The following NEK2 variants were observed in gnomAD, a reference collection of about 807,000 sequenced individuals.
NEK2 encodes the protein serine/threonine-protein kinase Nek2.
Under a neutral mutation model 54.1 loss-of-function variants are expected in NEK2, and 28 were observed. The observed-to-expected ratio is 0.52, with a 90% CI of 0.38 to 0.71. The LOEUF is 0.71. NEK2 is among the 30% of genes least tolerant of loss of function. The pLI is 0.00. For missense variants in NEK2, 407 were observed against 531.5 expected, an observed-to-expected ratio of 0.77 and a Z score of 2.30; for synonymous variants, 176 against 193.1, an observed-to-expected ratio of 0.91 and a Z score of 0.73.
chr1:211,662,086 CAAGTT>C (rs1468565979), downstream of NEK2, among the ~76,000 whole-genome samples: 2 of 152,166 alleles, frequency 1.3e-5, no homozygotes, highest in Non-Finnish European at 2.9e-5. The surrounding 1 kb of genome is among the most constrained non-coding windows in gnomAD (Gnocchi z 4.2). Context: ...TTAATCCAGT[CAAGTT>C]GACACATAAA....
chr1:211,661,925 C>A (rs12039766), downstream of NEK2, among the ~76,000 whole-genome samples: 23,365 of 152,108 alleles, frequency 0.15, 1,912 homozygotes, highest in East Asian at 0.22. Flanking sequence ...GTACTTTTCA[C>A]CTGAAAAGTC....
chr1:211,672,707 A>T (rs975627961), intron 3 of NEK2, among the ~76,000 whole-genome samples: 1 of 152,060 alleles, frequency 6.6e-6, no homozygotes, highest in East Asian at 1.9e-4. Flanking sequence ...AGAACTCTGC[A>T]TTTTAAACAA....
At chr1:211,660,706 C>T, downstream of NEK2, 1 of 673,384 alleles carries the variant, frequency 1.5e-6, no homozygotes, top group South Asian at 1.4e-5. Context: ...CGAAGATCCA[C>T]ATTGCCCTGG....
At chr1:211,669,385 C>T in intron 5 of NEK2, 53 bp from the exon 6 acceptor site, 2 of 1,467,164 alleles carry the variant, frequency 1.4e-6, no homozygotes, top group South Asian at 1.2e-5. Context: ...GAATAGTCCT[C>T]CTAAGACAGC....
chr1:211,668,992 T>G, intron 6 of NEK2, 121 bp downstream of exon 6: 1 of 991,076 alleles, frequency 1.0e-6, no homozygotes, highest in South Asian at 1.6e-5. Flanking sequence ...TTCTCAAGTA[T>G]TTTTCAAAAG....
intron 2 of NEK2, 137 bp from the exon 3 acceptor site, chr1:211,673,860 T>C: frequency 1.1e-6 from 1 of 946,560 alleles, no homozygotes; most frequent in East Asian, 2.8e-5. Flanking sequence ...GGTCTTACTC[T>C]GTCACCCAGG....
intron 7 of NEK2, chr1:211,666,783 A>G: frequency 3.3e-6 from 2 of 614,710 alleles, no homozygotes; most frequent in Non-Finnish European, 4.1e-6. Context: ...TGGGCTACAG[A>G]GTGAGACTCC....
chr1:211,665,888 C>T (rs1289184802), intron 7 of NEK2, among the ~76,000 whole-genome samples: 1 of 152,160 alleles, frequency 6.6e-6, no homozygotes, highest in Non-Finnish European at 1.5e-5. Context: ...ATTGATCACA[C>T]TACATCTCAA....
At chr1:211,666,824 A>G (rs1655196167) in intron 7 of NEK2, 2 of 945,272 alleles carry the variant, frequency 2.1e-6, no homozygotes, top group East Asian at 5.3e-5. Context: ...ATAAATAATG[A>G]TAATAAAAAT....
intron 5 of NEK2, among the ~76,000 whole-genome samples, chr1:211,669,691 C>T (rs147514516): frequency 6.6e-6 from 1 of 152,304 alleles, no homozygotes; most frequent in East Asian, 1.9e-4. Flanking sequence ...TAGCAAGATA[C>T]TCTCTCACTG....
At chr1:211,660,527 C>A (rs1484049717), downstream of NEK2, 5 of 641,496 alleles carry the variant, frequency 7.8e-6, no homozygotes, top group South Asian at 1.4e-5. Flanking sequence ...TCAAAGTGAT[C>A]ATCCTGAATC....
intron 6 of NEK2, among the ~76,000 whole-genome samples, 183 bp from the exon 7 acceptor site, chr1:211,667,414 A>C (rs958915400): frequency 1.3e-5 from 2 of 152,236 alleles, no homozygotes; most frequent in Non-Finnish European, 2.9e-5. Context: ...GTGTTTTAGT[A>C]GGCTGTATGT....
At chr1:211,661,636 A>G (rs754135231), downstream of NEK2, among the ~76,000 whole-genome samples, 1 of 152,254 alleles carries the variant, frequency 6.6e-6, no homozygotes, top group South Asian at 2.1e-4. Context: ...TCCACTAGCC[A>G]AAATGAAAAC....
downstream of NEK2, chr1:211,662,705 T>C (rs533980767): frequency 3.0e-4 from 238 of 806,214 alleles, 1 homozygote; most frequent in African/African-American, 4.3e-3. This position sits in a 1 kb window ranked among gnomAD's most constrained non-coding sequence, Gnocchi z 4.2. Flanking sequence ...TACCCTACAA[T>C]GAAGACCTAC....
chr1:211,668,080 G>A (rs190363372), intron 6 of NEK2, among the ~76,000 whole-genome samples: 149 of 152,004 alleles, frequency 9.8e-4, no homozygotes, highest in Non-Finnish European at 1.9e-3. Context: ...ATGAAACACT[G>A]GGGAAAGTTA....
chr1:211,661,951 A>C (rs1209448739), downstream of NEK2, among the ~76,000 whole-genome samples: 1 of 152,218 alleles, frequency 6.6e-6, no homozygotes, highest in African/African-American at 2.4e-5. Context: ...TATGATCTTC[A>C]AAACACTAAA....
chr1:211,670,540 C>G, intron 4 of NEK2, 133 bp from the exon 5 acceptor site: 1 of 1,068,392 alleles, frequency 9.4e-7, no homozygotes, highest in Non-Finnish European at 1.4e-6. Context: ...CTGGGATTTT[C>G]TTCTTATAAG....
downstream of NEK2, chr1:211,660,686 C>G (rs1822569): frequency 0.14 from 94,853 of 665,410 alleles, 7,263 homozygotes; most frequent in African/African-American, 0.16. Flanking sequence ...AATTCTTTTC[C>G]TTGAATCTGC....
chr1:211,660,884 C>G (rs938512110), downstream of NEK2: 16 of 727,858 alleles, frequency 2.2e-5, no homozygotes, highest in African/African-American at 2.4e-4. Flanking sequence ...TCCAAACCCA[C>G]GCCCAGCTTC....
Sources: gnomAD v4.1 joint callset for allele counts (sites outside exome capture counted in the v4.1 genomes callset) on GRCh38, gnomAD v4.1.1 for gene constraint, Gnocchi (gnomAD v3.1) non-coding constraint, MANE v1.5 for transcripts, NCBI Gene and HGNC (gene_info 2026-07-23, HGNC 2026-07-21) for gene names.